The following ZBTB38 variants were observed in gnomAD, a reference collection of about 807,000 sequenced individuals.
ZBTB38 encodes zinc finger and BTB domain-containing protein 38.
ZBTB38 carries 20 observed loss-of-function variants against 76.8 expected under a neutral mutation model. The observed-to-expected ratio is 0.26, with a 90% CI of 0.18 to 0.38. The LOEUF is 0.38. Among genes scored for constraint, ZBTB38 ranks in the 10% least tolerant of loss-of-function variants. The pLI is 1.00. For missense variants in ZBTB38, 1,082 were observed against 1,482.3 expected (o/e 0.73, Z 4.43); for synonymous variants, 504 against 544.2 (o/e 0.93, Z 1.03).
In ZBTB38 at chr3:141,443,554, A is replaced by C; in HGVS notation, c.1166A>C (p.His389Pro). Residue 389 changes from histidine to proline, a missense_variant, in exon 6 of 6, where the codon CAT (histidine) becomes CCT (proline). His to Pro is a moderately conservative substitution (Grantham distance 77, BLOSUM62 -2). Coordinates refer to ENST00000321464, the MANE Select transcript of ZBTB38 (RefSeq NM_001376113.1). The surrounding 1 kb of genome is among the most constrained non-coding windows in gnomAD (Gnocchi z 5.6). ...QFTTLNRLDRHEQICMRSSHM... is the reference protein window; with the variant it reads ...QFTTLNRLDRPEQICMRSSHM... The stretch of plus-strand genomic sequence containing the variant: ...ACCACCCTGAACAGGTTGGATCGGC[A>C]TGAACAGATCTGCATGAGGTCAAGC... 1 of 1,614,238 alleles carries C rather than the reference A, an allele frequency of 6.2e-7. No individual in the cohort carries two copies. Among genetic ancestry groups the C allele is most frequent in the Non-Finnish European group, 8.5e-7 (1 of 1,180,040 alleles).
At chr3:141,362,003 GA>G (rs1559920521) in intron 1 of ZBTB38, among the ~76,000 whole-genome samples, 1 of 152,132 alleles carries the variant, frequency 6.6e-6, no homozygotes, top group Non-Finnish European at 1.5e-5. Flanking sequence ...AAATCGAAAC[GA>G]AAGTGTTAGT....
chr3:141,444,716 G>A lies in ZBTB38; in HGVS notation c.2328G>A (p.Glu776=). Residue 776 remains glutamate, a synonymous_variant, in exon 6 of 6, where the codon GAG becomes GAA. Coordinates refer to ENST00000321464, the MANE Select transcript of ZBTB38 (RefSeq NM_001376113.1). This position sits in a 1 kb window ranked among gnomAD's most constrained non-coding sequence, Gnocchi z 5.1. Reference sequence around the variant, plus strand: ...CAAGCAGACCCAAAAGCATTAAGGAGAAAAAGAAAACTACATCACATACCA... The same window carrying A: ...CAAGCAGACCCAAAAGCATTAAGGAAAAAAAGAAAACTACATCACATACCA... ...RFASRPKSIK[E]KKKTTSHTRG... 6.2e-7 allele frequency: 1 copy of A among 1,614,052 alleles called. No homozygotes were observed. The highest frequency in any genetic ancestry group is 8.5e-7 in the Non-Finnish European group (1 of 1,180,000).
At chr3:141,440,510 G>T (rs925395065) in intron 5 of ZBTB38, among the ~76,000 whole-genome samples, 3 of 152,208 alleles carry the variant, frequency 2.0e-5, no homozygotes, top group Non-Finnish European at 4.4e-5. Context: ...TTTACTGCTA[G>T]GAAAACATTG....
rs753939792 is a variant in ZBTB38, at chr3:141,444,197, T to C, written c.1809T>C (p.Tyr603=). The C allele has an allele frequency of 1.2e-6, 2 of 1,614,092 alleles. No homozygotes were observed. Among genetic ancestry groups the C allele is most frequent in the African/African-American group, 1.3e-5 (1 of 74,934 alleles). ...TGAATGAGTCTGCACCTGGTACCTA[T>C]GTTGTTCAGAATCCACACAGCTCTG... ...SQMNESAPGT[Y]VVQNPHSSEL... is the part of the protein sequence containing the mutation. The change falls in exon 6 of 6, where the codon TAT becomes TAC. Residue 603 remains tyrosine, a synonymous_variant. Coordinates refer to ENST00000321464, the MANE Select transcript of ZBTB38 (RefSeq NM_001376113.1). This position sits in a 1 kb window ranked among gnomAD's most constrained non-coding sequence, Gnocchi z 5.1.
chr3:141,334,758 T>C (rs915161477), intron 1 of ZBTB38, among the ~76,000 whole-genome samples: 6 of 152,114 alleles, frequency 3.9e-5, no homozygotes, highest in Admixed American at 2.6e-4. Flanking sequence ...TAATGACCCC[T>C]GATTAACGAG....
chr3:141,354,650 A>C (rs972718902), intron 1 of ZBTB38, among the ~76,000 whole-genome samples: 2 of 152,118 alleles, frequency 1.3e-5, no homozygotes, highest in Non-Finnish European at 2.9e-5. Flanking sequence ...ATTCATCGGC[A>C]TATCTCTCCA....
At chr3:141,404,829 G>A (rs1953783574) in intron 5 of ZBTB38, among the ~76,000 whole-genome samples, 1 of 152,182 alleles carries the variant, frequency 6.6e-6, no homozygotes, top group Admixed American at 6.5e-5. Flanking sequence ...TGCCAGGACT[G>A]CAAAGTGCCC....
intron 5 of ZBTB38, among the ~76,000 whole-genome samples, chr3:141,423,559 A>G (rs1246664969): frequency 6.6e-6 from 1 of 152,162 alleles, no homozygotes; most frequent in African/African-American, 2.4e-5. Context: ...CCAGTGCTCT[A>G]CCTCTGAAGA....
chr3:141,373,238 GA>G (rs1167122178), intron 2 of ZBTB38, among the ~76,000 whole-genome samples: 3 of 152,216 alleles, frequency 2.0e-5, no homozygotes, highest in Non-Finnish European at 4.4e-5. Flanking sequence ...AGACTTTGTT[GA>G]GCTTTCTCAA....
At chr3:141,343,251 G>T (rs745751853) in intron 1 of ZBTB38, among the ~76,000 whole-genome samples, 14 of 152,154 alleles carry the variant, frequency 9.2e-5, no homozygotes, top group Non-Finnish European at 1.8e-4. Context: ...AAAGATGGGT[G>T]ATTCACAGCA....
chr3:141,445,478 A>G lies in ZBTB38; in HGVS notation c.3090A>G (p.Arg1030=). The change falls in exon 6 of 6, where the codon AGA becomes AGG. Residue 1030 remains arginine, a synonymous_variant. Transcript: ENST00000321464. This position sits in a 1 kb window ranked among gnomAD's most constrained non-coding sequence, Gnocchi z 6.5. ...QSPSTLKMHM[R]CHTGEKPYQC... is the part of the protein sequence containing the mutation. ...CTTCCACACTCAAAATGCACATGAG[A>G]TGTCACACCGGGGAGAAGCCATACC... The G allele has an allele frequency of 6.2e-7, 1 of 1,614,164 alleles. No individual in the cohort carries two copies. The highest frequency in any genetic ancestry group is 8.5e-7 in the Non-Finnish European group (1 of 1,180,026).
At chr3:141,335,751 C>CGG (rs1475471050) in intron 1 of ZBTB38, among the ~76,000 whole-genome samples, 3 of 152,242 alleles carry the variant, frequency 2.0e-5, no homozygotes, top group Non-Finnish European at 4.4e-5. Flanking sequence ...TTCTATCAAT[C>CGG]ACATCCGCAT....
chr3:141,424,649 CGT>C (rs139888507), intron 5 of ZBTB38, among the ~76,000 whole-genome samples: 52 of 149,622 alleles, frequency 3.5e-4, no homozygotes, highest in African/African-American at 9.8e-4. Flanking sequence ...TGTGTGTGTG[CGT>C]GTGTGTGTGT....
intron 1 of ZBTB38, among the ~76,000 whole-genome samples, chr3:141,357,917 C>T (rs933571191): frequency 1.3e-5 from 2 of 152,158 alleles, no homozygotes; most frequent in African/African-American, 4.8e-5. Flanking sequence ...AAAAAGGAAC[C>T]TAAGCTCTTT....
rs546683855 is a variant in ZBTB38, at chr3:141,444,489, G to A, written c.2101G>A (p.Glu701Lys). 1 of 1,614,156 alleles carries A rather than the reference G, an allele frequency of 6.2e-7. No homozygotes were observed. Among genetic ancestry groups the A allele is most frequent in the Non-Finnish European group, 8.5e-7 (1 of 1,180,038 alleles). Residue 701 changes from glutamate (E) to lysine (K), a missense_variant, in exon 6 of 6, where the codon GAG (glutamate) becomes AAG (lysine). By Grantham distance (56) the Glu-to-Lys change is moderately conservative (BLOSUM62 1). Coordinates refer to ENST00000321464, the MANE Select transcript of ZBTB38 (RefSeq NM_001376113.1). The surrounding 1 kb of genome is among the most constrained non-coding windows in gnomAD (Gnocchi z 5.1). ...TGTTTTATCTTTGAGTAATAGCAGTGAGAATGCCGCCTCTGTGATCAGCTA... is the reference window on the plus strand; with the variant it reads ...TGTTTTATCTTTGAGTAATAGCAGTAAGAATGCCGCCTCTGTGATCAGCTA... Reference protein sequence around the residue: ...VPVLSLSNSSENAASVISYSG... With the variant: ...VPVLSLSNSSKNAASVISYSG...
At chr3:141,346,991 G>A (rs1456199230) in intron 1 of ZBTB38, among the ~76,000 whole-genome samples, 3 of 152,164 alleles carry the variant, frequency 2.0e-5, no homozygotes, top group African/African-American at 7.2e-5. Flanking sequence ...CTTTTATAAA[G>A]GAAGAACCAA....
chr3:141,440,130 C>G (rs2079777629), intron 5 of ZBTB38, among the ~76,000 whole-genome samples: 1 of 152,086 alleles, frequency 6.6e-6, no homozygotes, highest in Non-Finnish European at 1.5e-5. Context: ...GCAGGGTAAA[C>G]AAGAGCAGAA....
intron 1 of ZBTB38, among the ~76,000 whole-genome samples, chr3:141,346,817 G>GTGT (rs1559915420): frequency 1.7e-5 from 1 of 59,772 alleles, no homozygotes; most frequent in African/African-American, 6.9e-5. Flanking sequence ...TGTGTGTGTG[G>GTGT]TGCAATGCTC....
At chr3:141,328,026 G>C (rs1279647552) in intron 1 of ZBTB38, among the ~76,000 whole-genome samples, 2 of 152,146 alleles carry the variant, frequency 1.3e-5, no homozygotes, top group Non-Finnish European at 1.5e-5. Context: ...TGGTTGTATA[G>C]TCTAATGCTT....
Sources: gnomAD v4.1 joint callset for allele counts (sites outside exome capture counted in the v4.1 genomes callset) on GRCh38, gnomAD v4.1.1 for gene constraint, Gnocchi (gnomAD v3.1) non-coding constraint, MANE v1.5 for transcripts, NCBI Gene and HGNC (gene_info 2026-07-23, HGNC 2026-07-21) for gene names.